CALD1: variants seen among roughly 807,000 people sequenced by gnomAD.
CALD1 encodes caldesmon 1.
Under a neutral mutation model 99.9 loss-of-function variants are expected in CALD1, and 33 were observed. The ratio of observed to expected loss-of-function variants is 0.33; its 90% confidence interval spans 0.25 to 0.44. CALD1 has a LOEUF of 0.44. Ranked by LOEUF, CALD1 falls within the 20% of genes least tolerant of loss-of-function variation. The probability of loss-of-function intolerance (pLI) is 1.00; values close to 1 mark genes in which losing one functional copy is unlikely to be tolerated. For synonymous variants in CALD1, 310 were observed against 325.0 expected, an observed-to-expected ratio of 0.95 and a Z score of 0.50; for missense variants, 861 against 962.1, an observed-to-expected ratio of 0.89 and a Z score of 1.39.
At chr7:134,809,171 C>T (rs1798261992) in intron 1 of CALD1, among the ~76,000 whole-genome samples, 1 of 152,138 alleles carries the variant, frequency 6.6e-6, no homozygotes, top group Non-Finnish European at 1.5e-5. Flanking sequence ...TAGTACAATA[C>T]CGGGGACACA....
chr7:134,926,274 A>T (rs1805011861), intron 3 of CALD1, among the ~76,000 whole-genome samples: 1 of 152,232 alleles, frequency 6.6e-6, no homozygotes, highest in Non-Finnish European at 1.5e-5. Context: ...CTAAAATTTA[A>T]CTTTAAATTT....
the CALD1 span, among the ~76,000 whole-genome samples, chr7:134,718,705 C>T: frequency 1.3e-5 from 2 of 151,912 alleles, no homozygotes; most frequent in South Asian, 2.1e-4. Flanking sequence ...AATCAGAAGA[C>T]GTTGGCTACT....
intron 3 of CALD1, among the ~76,000 whole-genome samples, chr7:134,895,516 G>A (rs1802512202): frequency 6.6e-6 from 1 of 152,078 alleles, no homozygotes; most frequent in Non-Finnish European, 1.5e-5. Flanking sequence ...GTTATTATGT[G>A]ATGTCTTCCA....
chr7:134,717,633 C>T, the CALD1 span, among the ~76,000 whole-genome samples: 4 of 152,234 alleles, frequency 2.6e-5, no homozygotes, highest in African/African-American at 9.6e-5. Flanking sequence ...CCTCCCTGTG[C>T]TCAGGCTCCG....
chr7:134,795,382 A>T (rs995669762), intron 1 of CALD1, among the ~76,000 whole-genome samples: 10 of 152,286 alleles, frequency 6.6e-5, no homozygotes, highest in African/African-American at 2.4e-4. Context: ...GCCTGCCGCC[A>T]TGTAAGACAT....
At chr7:134,891,928 T>C (rs781411308) in intron 3 of CALD1, among the ~76,000 whole-genome samples, 3 of 152,072 alleles carry the variant, frequency 2.0e-5, no homozygotes, top group African/African-American at 4.8e-5. Context: ...TGTGGACCAT[T>C]TGCCAGGAGT....
chr7:134,736,221 C>T, the CALD1 span, among the ~76,000 whole-genome samples: 1 of 152,224 alleles, frequency 6.6e-6, no homozygotes, highest in East Asian at 1.9e-4. Flanking sequence ...GCAAATATCC[C>T]CCTCAAATGA....
chr7:134,750,325 C>T (rs1376397721), intron 1 of CALD1, among the ~76,000 whole-genome samples: 1 of 152,044 alleles, frequency 6.6e-6, no homozygotes, highest in Non-Finnish European at 1.5e-5. Flanking sequence ...CAGAAAGGTG[C>T]TGTGCAGAGT....
At chr7:134,740,455 G>C (rs554467258), upstream of CALD1, among the ~76,000 whole-genome samples, 1 of 152,274 alleles carries the variant, frequency 6.6e-6, no homozygotes, top group East Asian at 1.9e-4. Flanking sequence ...ATACAGGATG[G>C]AGAACATGCA....
intron 1 of CALD1, among the ~76,000 whole-genome samples, chr7:134,763,605 C>G (rs1796797362): frequency 6.6e-6 from 1 of 152,086 alleles, no homozygotes; most frequent in African/African-American, 2.4e-5. Context: ...AAATGGCCAC[C>G]TGAGTTTTCC....
At chr7:134,908,413 C>A (rs377216599) in intron 3 of CALD1, among the ~76,000 whole-genome samples, 1 of 152,282 alleles carries the variant, frequency 6.6e-6, no homozygotes, top group Non-Finnish European at 1.5e-5. Context: ...TATTTCCTGT[C>A]TGATCACTAA....
intron 1 of CALD1, among the ~76,000 whole-genome samples, chr7:134,770,601 T>C (rs1022109845): frequency 1.3e-5 from 2 of 152,182 alleles, no homozygotes; most frequent in East Asian, 1.9e-4. Flanking sequence ...TGTCTTTTTC[T>C]TATAAGGCCA....
chr7:134,788,633 T>C (rs1245678857), intron 1 of CALD1, among the ~76,000 whole-genome samples: 1 of 152,178 alleles, frequency 6.6e-6, no homozygotes, highest in East Asian at 1.9e-4. Flanking sequence ...GTAGAGACTT[T>C]GTTTGGCTTT....
intron 1 of CALD1, among the ~76,000 whole-genome samples, chr7:134,843,635 C>T (rs953176950): frequency 3.3e-5 from 5 of 152,114 alleles, no homozygotes; most frequent in African/African-American, 1.2e-4. Flanking sequence ...AGATACTATC[C>T]CTGGGTTTGT....
At chr7:134,752,582 T>A (rs1358023900) in intron 1 of CALD1, among the ~76,000 whole-genome samples, 1 of 152,200 alleles carries the variant, frequency 6.6e-6, no homozygotes, top group Non-Finnish European at 1.5e-5. Flanking sequence ...CTCGGGGAGA[T>A]AAATGTGTCA....
the CALD1 span, among the ~76,000 whole-genome samples, chr7:134,722,324 C>T: frequency 6.6e-6 from 1 of 152,116 alleles, no homozygotes; most frequent in East Asian, 1.9e-4. Context: ...TCTTCTTCTT[C>T]TAATCTTTTG....
rs1421107599 is a variant in CALD1 at position 134,941,178 on chromosome 7, T to C, written c.1473T>C (p.Val491=). The C allele has an allele frequency of 1.2e-6, 2 of 1,613,050 alleles. No individual in the cohort carries two copies. The highest frequency in any genetic ancestry group is 1.7e-6 in the Non-Finnish European group (2 of 1,179,604). ...ATCGAAAGAAGGGATTTACAGAAGT[T>C]AAGTCGCAGAATGGAGAATTCATGA... ...FMDRKKGFTE[V]KSQNGEFMTH... is the part of the protein sequence containing the mutation. The change falls in exon 7 of 15, where the codon GTT becomes GTC. Residue 491 remains valine (V), a synonymous_variant. Transcript: ENST00000361675.
At chr7:134,809,539 A>G (rs919398576) in intron 1 of CALD1, 1 of 152,212 alleles carries the variant, frequency 6.6e-6, no homozygotes, top group African/African-American at 2.4e-5. Context: ...TGTAGCCACA[A>G]AGTTTTAACT....
chr7:134,772,216 A>G (rs952596646), intron 1 of CALD1, among the ~76,000 whole-genome samples: 1 of 151,014 alleles, frequency 6.6e-6, no homozygotes, highest in African/African-American at 2.4e-5. Context: ...CACCTCACCT[A>G]CTGAGTAGCT....
Sources: gnomAD v4.1 joint callset for allele counts (sites outside exome capture counted in the v4.1 genomes callset) on GRCh38, gnomAD v4.1.1 for gene constraint, MANE v1.5 for transcripts, NCBI Gene and HGNC (gene_info 2026-07-23, HGNC 2026-07-21) for gene names.